MINDY1: variants seen among roughly 807,000 people sequenced by gnomAD.
MINDY1 encodes the protein MINDY lysine 48 deubiquitinase 1, also known as ubiquitin carboxyl-terminal hydrolase MINDY-1.
Under a neutral mutation model 53.6 loss-of-function variants are expected in MINDY1, and 50 were observed. The observed-to-expected ratio is 0.93, with a 90% confidence interval of 0.74 to 1.18. MINDY1 has a LOEUF of 1.18. MINDY1 is among the 50% of genes most tolerant of loss of function. MINDY1 has a pLI of 0.00. For synonymous variants in MINDY1, 231 were observed against 234.7 expected (o/e 0.98, Z 0.14); for missense variants, 484 against 578.6 (o/e 0.84, Z 1.68).
rs1392793229 is a variant in MINDY1, at chr1:151,002,376, G to A, written c.242C>T (p.Thr81Ile). 6.2e-7 allele frequency: 1 copy of A among 1,614,170 alleles called. No individual in the cohort carries two copies. The highest frequency in any genetic ancestry group is 8.5e-7 in the Non-Finnish European group (1 of 1,180,018). Residue 81 changes from threonine to isoleucine, a missense_variant, in exon 2 of 10, where the codon ACC becomes ATC. By Grantham distance (89) the Thr-to-Ile change is moderately conservative. Transcript: ENST00000683666. The surrounding 1 kb of genome is among the most constrained non-coding windows in gnomAD (Gnocchi z 4.1). ...CTCTACTTCAGGCAGTGTCCCAAGG[G>A]TTGGCCCCGGTGGAGCTGAGCTAGC... ...PEASSAPPGP[T>I]LGTLPEVETI...
At chr1:151,000,707 C>T (rs1672461431) in intron 4 of MINDY1, 92 bp from the exon 5 acceptor site, 16 of 1,390,640 alleles carry the variant, frequency 1.2e-5, no homozygotes, top group Non-Finnish European at 1.5e-5. Context: ...CCTTGCTGCT[C>T]TTCTTCCCTG....
intron 1 of MINDY1, among the ~76,000 whole-genome samples, chr1:151,004,527 C>G (rs190598349): frequency 1.3e-5 from 2 of 151,940 alleles, no homozygotes; most frequent in African/African-American, 4.8e-5. Flanking sequence ...GTCAGGAGAT[C>G]GAGACCATCC....
chr1:150,998,301 G>T (rs779931665), intron 7 of MINDY1, 28 bp from the exon 8 acceptor site: 13 of 1,586,706 alleles, frequency 8.2e-6, no homozygotes, highest in Admixed American at 7.1e-5. Context: ...GAGCTCATTG[G>T]GGGGACAGTT....
chr1:151,002,697 A>G lies in MINDY1; in HGVS notation c.-80T>C, dbSNP rs771962420. On this transcript the variant is annotated 5_prime_UTR_variant, in exon 2 of 10. Coordinates refer to ENST00000683666, the MANE Select transcript of MINDY1 (RefSeq NM_001376665.1). The surrounding 1 kb of genome is among the most constrained non-coding windows in gnomAD (Gnocchi z 4.1). ...TTGCCTAAGCCAGGCTTGGGATGCA[A>G]AAGAGTGACCTGTCCAATAAGAAGG... 1.1e-5 allele frequency: 17 copies of G among 1,604,876 alleles called. No individual in the cohort carries two copies. The highest frequency in any genetic ancestry group is 1.7e-5 in the Admixed American group (1 of 58,024).
Position 151,001,767 on chromosome 1 carries a change from GC to G in MINDY1, c.468del (p.Gln157ArgfsTer4). On this transcript the variant is annotated frameshift_variant, in exon 3 of 10. Coordinates refer to ENST00000683666, the MANE Select transcript of MINDY1 (RefSeq NM_001376665.1). LOFTEE classifies it high-confidence loss of function. ...LFLQWKVKLP[P>X]QKEVITSDEL... ...TCATCCGATGTGATCACTTCCTTCT[GC>G]GGGGGGAGCTTCACCTGGAGGCAGA... The G allele has an allele frequency of 6.3e-7, 1 of 1,599,746 alleles. No individual in the cohort carries two copies. Among genetic ancestry groups the G allele is most frequent in the Admixed American group, 1.8e-5 (1 of 55,540 alleles).
chr1:150,997,876 C>T, intron 8 of MINDY1, 97 bp from the exon 9 acceptor site: 1 of 1,340,758 alleles, frequency 7.5e-7, no homozygotes, highest in Non-Finnish European at 1.0e-6. Flanking sequence ...CTCAAATTCT[C>T]TAGCTCTTTC....
Position 150,997,219 on chromosome 1 carries a change from C to A in MINDY1, c.*68G>T. ...ATCCAGCACATCTCAGGGGTGGAGG[C>A]GGGGGAGCAAGCCAACTAGCCATAG... On this transcript the variant is annotated 3_prime_UTR_variant, in exon 10 of 10. Transcript: ENST00000683666. 2.0e-6 allele frequency: 3 copies of A among 1,478,830 alleles called. No individual in the cohort carries two copies. The highest frequency in any genetic ancestry group is 2.8e-6 in the Non-Finnish European group (3 of 1,082,370). The allele number at this position is 1,478,830 out of a possible 1,614,324, so 91.6% of individuals were successfully genotyped here.
Position 151,002,391 on chromosome 1 carries a change from G to A in MINDY1, c.227C>T (p.Ala76Val), listed in dbSNP as rs747775903. 2.5e-6 allele frequency: 4 copies of A among 1,614,054 alleles called. No individual in the cohort carries two copies. The East Asian group carries it at 6.7e-5, about 27-fold the overall frequency. ...LESPLPEASS[A>V]PPGPTLGTLP... ...TGTCCCAAGGGTTGGCCCCGGTGGA[G>A]CTGAGCTAGCTTCAGGCAGAGGGGA... is the stretch of plus-strand genomic sequence containing the variant. The change falls in exon 2 of 10, where the codon GCT becomes GTT. Residue 76 changes from alanine (A) to valine (V), a missense_variant. By Grantham distance (64) the Ala-to-Val change is moderately conservative. Transcript: ENST00000683666. The surrounding 1 kb of genome is among the most constrained non-coding windows in gnomAD (Gnocchi z 4.1).
chr1:150,999,397 T>C lies in MINDY1; in HGVS notation c.953A>G (p.Asn318Ser). ...EGELSVFFRN[N>S]HFSTMTKHKS... ...ATGCTTAGTCATGGTGCTAAAGTGG[T>C]TGTTTCGGAAAAAGACGCTAAGTTC... is the stretch of plus-strand genomic sequence containing the variant. The change falls in exon 7 of 10, where the codon AAC (asparagine) becomes AGC (serine). Residue 318 changes from asparagine (N) to serine (S), a missense_variant. Asn to Ser is a conservative substitution (Grantham distance 46, BLOSUM62 1). Coordinates refer to ENST00000683666, the MANE Select transcript of MINDY1 (RefSeq NM_001376665.1). This position sits in a 1 kb window ranked among gnomAD's most constrained non-coding sequence, Gnocchi z 4.4. 11 of 1,614,008 alleles carry C rather than the reference T, an allele frequency of 6.8e-6. No individual in the cohort carries two copies. The highest frequency in any genetic ancestry group is 8.5e-6 in the Non-Finnish European group (10 of 1,180,000).
At chr1:151,008,354 G>A (rs965494630), upstream of MINDY1, 12 of 1,282,414 alleles carry the variant, frequency 9.4e-6, no homozygotes, top group Non-Finnish European at 8.1e-6. Context: ...CCCACGCCAC[G>A]CCCCCTTGGC....
intron 4 of MINDY1, 86 bp downstream of exon 4, chr1:151,001,164 A>C: frequency 7.3e-7 from 1 of 1,368,306 alleles, no homozygotes; most frequent in Non-Finnish European, 1.0e-6. Context: ...GAAACCTCTG[A>C]AGAAGCAACA....
At chr1:150,996,726 T>C (rs587669220), downstream of MINDY1, 1 of 152,152 alleles carries the variant, frequency 6.6e-6, no homozygotes, top group Admixed American at 6.5e-5. Flanking sequence ...GTATTTTTAG[T>C]AGAGACGGGG....
chr1:150,997,913 A>G, intron 8 of MINDY1, 134 bp from the exon 9 acceptor site: 1 of 1,174,046 alleles, frequency 8.5e-7, no homozygotes, highest in Non-Finnish European at 1.2e-6. Context: ...CACACAGCCA[A>G]ATGCATTATC....
At chr1:150,997,522 A>G in intron 9 of MINDY1, 102 bp downstream of exon 9, 1 of 1,585,500 alleles carries the variant, frequency 6.3e-7, no homozygotes, top group South Asian at 1.1e-5. Context: ...GGACTCTGAG[A>G]GAAGAAACCT....
intron 7 of MINDY1, 48 bp from the exon 8 acceptor site, chr1:150,998,321 G>T: frequency 6.6e-7 from 1 of 1,524,618 alleles, no homozygotes; most frequent in Non-Finnish European, 8.9e-7. Context: ...TGATACGGAG[G>T]CAGTTCACTG....
chr1:151,003,397 A>T (rs1483168366), intron 1 of MINDY1, among the ~76,000 whole-genome samples: 1 of 151,990 alleles, frequency 6.6e-6, no homozygotes, highest in African/African-American at 2.4e-5. Flanking sequence ...CACAATCCCA[A>T]ACCACAGTAT....
Position 151,002,042 on chromosome 1 carries a change from A to C in MINDY1, c.453+123T>G. ...ATCTTATCTCATTTGCTCAAGCTGG[A>C]GAAATAGGGAGAACAATCTGAAAAG... On this transcript the variant is annotated intron_variant, in intron 2 of 9. Transcript: ENST00000683666. This position sits in a 1 kb window ranked among gnomAD's most constrained non-coding sequence, Gnocchi z 4.1. The C allele has an allele frequency of 9.8e-7, 1 of 1,015,902 alleles. No homozygotes were observed. The highest frequency in any genetic ancestry group is 1.4e-6 in the Non-Finnish European group (1 of 696,712). 62.9% of individuals were successfully genotyped at this position (1,015,902 alleles called of 1,614,324 possible). A position where few individuals can be genotyped will look rare whatever the true frequency, so the allele number is the denominator to read the frequency against.
rs2925741 is a variant in MINDY1, at chr1:150,998,101, G to T, written c.1154C>A (p.Thr385Lys). The T allele has an allele frequency of 0.99, 1,596,987 of 1,612,472 alleles. 791,971 individuals carry two copies. The highest frequency in any genetic ancestry group is 1 in the East Asian group (44,884 of 44,884). ...ACACACCTGGTCTACCTGCAGCTGC[G>T]TTTCTGGGGAGCCACTCCCACCTTC... ...GAEGGSGSPE[T>K]QLQVDQDYLI... The change falls in exon 8 of 10, where the codon ACG becomes AAG. Residue 385 changes from threonine (T) to lysine (K), a missense_variant. Transcript: ENST00000683666.
intron 2 of MINDY1, 44 bp from the exon 3 acceptor site, chr1:151,001,826 A>G: frequency 6.4e-7 from 1 of 1,559,496 alleles, no homozygotes. Context: ...TCCTCCAAAG[A>G]GCACTGAAGG....
Sources: allele counts gnomAD v4.1 joint callset (sites outside exome capture counted in the v4.1 genomes callset), GRCh38; gene constraint gnomAD v4.1.1; non-coding constraint Gnocchi (gnomAD v3.1); transcripts MANE v1.5; gene names NCBI Gene and HGNC (gene_info 2026-07-23, HGNC 2026-07-21).